RTRAF: variants seen among roughly 807,000 people sequenced by gnomAD.
RTRAF encodes tRNA-splicing ligase complex subunit RTRAF.
In RTRAF, 14 loss-of-function variants were observed where a neutral mutation model predicts 34.4. The observed-to-expected ratio is 0.41, with a 90% confidence interval of 0.27 to 0.64. The LOEUF is 0.64. Ranked by LOEUF, RTRAF falls within the 30% of genes least tolerant of loss-of-function variation. RTRAF has a pLI of 0.34. For synonymous variants in RTRAF, 96 were observed against 95.3 expected, an observed-to-expected ratio of 1.01 and a Z score of -0.04; for missense variants, 291 against 288.4, an observed-to-expected ratio of 1.01 and a Z score of -0.06.
chr14:52,005,421 A>G lies in RTRAF; in HGVS notation c.*905A>G, dbSNP rs1435785918. On this transcript the variant is annotated 3_prime_UTR_variant, in exon 8 of 8. Transcript: ENST00000261700. ...CCTTTTTTACTTTCTTTGCCTTTGC[A>G]GTCACTGTTCTTTAGGGTCCAGGTT... 3 of 1,444,210 alleles carry G rather than the reference A, an allele frequency of 2.1e-6. No individual in the cohort carries two copies. The highest frequency in any genetic ancestry group is 2.3e-5 in the Admixed American group (1 of 42,556). The allele number at this position is 1,444,210 out of a possible 1,614,324, so 89.5% of individuals were successfully genotyped here. A position where few individuals can be genotyped will look rare whatever the true frequency, so the allele number is the denominator to read the frequency against.
At position 51,991,315 on chromosome 14, in the gene RTRAF, A is replaced by G; in HGVS notation, c.62-2A>G. On this transcript the variant is annotated splice_acceptor_variant, in intron 1 of 7. Transcript: ENST00000261700. LOFTEE classifies it high-confidence loss of function. Reference sequence around the variant, plus strand: ...TTATTTATGTGATATTTTTTATTGCAGATGAAACAGAATTTAGAAACTTCA... The same window carrying G: ...TTATTTATGTGATATTTTTTATTGCGGATGAAACAGAATTTAGAAACTTCA... 1 of 1,612,372 alleles carries G rather than the reference A, an allele frequency of 6.2e-7. No individual in the cohort carries two copies. The highest frequency in any genetic ancestry group is 8.5e-7 in the Non-Finnish European group (1 of 1,178,900).
intron 3 of RTRAF, among the ~76,000 whole-genome samples, chr14:51,996,542 A>G (rs949137100): frequency 6.6e-6 from 1 of 152,096 alleles, no homozygotes; most frequent in East Asian, 1.9e-4. Context: ...AAATAGTACA[A>G]AGATTTTCAT....
rs1890888653 is a variant in RTRAF at position 52,008,676 on chromosome 14, C to G, written c.*4160C>G. On this transcript the variant is annotated 3_prime_UTR_variant, in exon 8 of 8. Transcript: ENST00000261700. ...CCCTTGACTCAACTGCCCCAAAACC[C>G]TCCGTTTGTTGAAGTCTTGAATTGG... is the stretch of plus-strand genomic sequence containing the variant. The G allele has an allele frequency of 6.6e-6, 1 of 152,210 alleles. No individual in the cohort carries two copies. Among genetic ancestry groups the G allele is most frequent in the African/African-American group, 2.4e-5 (1 of 41,444 alleles). The allele number at this position is 152,210 out of a possible 1,614,324, so 9.4% of individuals were successfully genotyped here.
rs1456752682 is a variant in RTRAF, at chr14:52,006,262, C to T, written c.*1746C>T. On this transcript the variant is annotated 3_prime_UTR_variant, in exon 8 of 8. Coordinates refer to ENST00000261700, the MANE Select transcript of RTRAF (RefSeq NM_016039.3). ...TAAAGAACATATTTAGATTAATATG[C>T]TCCCTTTTGAGACATTATCCAATAG... 4.8e-6 allele frequency: 2 copies of T among 420,592 alleles called. No individual in the cohort carries two copies. Among genetic ancestry groups the T allele is most frequent in the Non-Finnish European group, 8.7e-6 (2 of 229,514 alleles). The allele number at this position is 420,592 out of a possible 1,614,324, so 26.1% of individuals were successfully genotyped here. A position where few individuals can be genotyped will look rare whatever the true frequency, so the allele number is the denominator to read the frequency against.
rs1890664633 is a variant in RTRAF at position 52,004,233 on chromosome 14, G to C, written c.571G>C (p.Asp191His). ...VALDKHILGF[D>H]TGDAVLNEAA... ...TTTAGACAAACATATTCTTGGTTTT[G>C]ACACAGGAGGTAAGTGATTTTGTTT... Residue 191 changes from aspartate to histidine, a missense_variant, in exon 7 of 8, where the codon GAC (aspartate) becomes CAC (histidine). By Grantham distance (81) the Asp-to-His change is moderately conservative (BLOSUM62 -1). Coordinates refer to ENST00000261700, the MANE Select transcript of RTRAF (RefSeq NM_016039.3). 2 of 1,613,474 alleles carry C rather than the reference G, an allele frequency of 1.2e-6. No individual in the cohort carries two copies. Among genetic ancestry groups the C allele is most frequent in the Non-Finnish European group, 8.5e-7 (1 of 1,179,642 alleles).
rs1373658956 is a variant in RTRAF, at chr14:52,005,311, A to AGAT, written c.*796_*798dup. The AGAT allele has an allele frequency of 4.3e-6, 2 of 463,786 alleles. No individual in the cohort carries two copies. The highest frequency in any genetic ancestry group is 4.0e-5 in the African/African-American group (2 of 50,104). 28.7% of individuals were successfully genotyped at this position (463,786 alleles called of 1,614,324 possible). On this transcript the variant is annotated 3_prime_UTR_variant, in exon 8 of 8. Transcript: ENST00000261700. The stretch of plus-strand genomic sequence containing the variant: ...TTCATTTTTAAAAATACAGTAGTAA[A>AGAT]GATTGAGGTATCAGCTTTTCACAAA...
intron 5 of RTRAF, among the ~76,000 whole-genome samples, chr14:52,000,731 T>C (rs1890588504): frequency 6.6e-6 from 1 of 152,198 alleles, no homozygotes; most frequent in Non-Finnish European, 1.5e-5. Flanking sequence ...AAAATGTTTT[T>C]AGTGAAATTT....
intron 3 of RTRAF, among the ~76,000 whole-genome samples, chr14:51,996,026 G>T (rs1475741173): frequency 6.6e-6 from 1 of 151,868 alleles, no homozygotes; most frequent in Admixed American, 6.6e-5. Context: ...TATTCTATTT[G>T]TTCCATTTTT....
In RTRAF at chr14:52,008,702, A is replaced by G. The variant is rs967495774; in HGVS notation, c.*4186A>G. 2.0e-5 allele frequency: 3 copies of G among 152,168 alleles called. No individual in the cohort carries two copies. Among genetic ancestry groups the G allele is most frequent in the African/African-American group, 7.2e-5 (3 of 41,434 alleles). The allele number at this position is 152,168 out of a possible 1,614,324, so 9.4% of individuals were successfully genotyped here. On this transcript the variant is annotated 3_prime_UTR_variant, in exon 8 of 8. Transcript: ENST00000261700. ...TCCGTTTGTTGAAGTCTTGAATTGG[A>G]TCTTGGGTTTTAGAATAGAAACAAA... is the stretch of plus-strand genomic sequence containing the variant.
In RTRAF at chr14:52,005,330, T is replaced by C; in HGVS notation, c.*814T>C. On this transcript the variant is annotated 3_prime_UTR_variant, in exon 8 of 8. Transcript: ENST00000261700. ...TAGTAAAGATTGAGGTATCAGCTTT[T>C]CACAAAAGTCTTTTTGCACTACAAA... is the stretch of plus-strand genomic sequence containing the variant. 1.8e-6 allele frequency: 1 copy of C among 557,102 alleles called. No individual in the cohort carries two copies. Among genetic ancestry groups the C allele is most frequent in the Non-Finnish European group, 2.9e-6 (1 of 344,516 alleles). 34.5% of individuals were successfully genotyped at this position (557,102 alleles called of 1,614,324 possible).
In RTRAF at chr14:52,006,548, T is replaced by C. The variant is rs1377329051; in HGVS notation, c.*2032T>C. ...TTTGTGGGGCTCACCTCCTCCAGTC[T>C]GTGTGGTAGAAGTGATCTGCATAGC... On this transcript the variant is annotated 3_prime_UTR_variant, in exon 8 of 8. Coordinates refer to ENST00000261700, the MANE Select transcript of RTRAF (RefSeq NM_016039.3). 1.2e-6 allele frequency: 2 copies of C among 1,613,722 alleles called. No homozygotes were observed. Among genetic ancestry groups the C allele is most frequent in the Non-Finnish European group, 1.7e-6 (2 of 1,179,654 alleles).
chr14:51,996,872 G>C (rs1278481928), intron 3 of RTRAF, among the ~76,000 whole-genome samples: 1 of 151,948 alleles, frequency 6.6e-6, no homozygotes, highest in Non-Finnish European at 1.5e-5. Context: ...ATCTGTCTTA[G>C]TATCTTAAAA....
In RTRAF at chr14:51,989,719, C is replaced by T. The variant is rs764158732; in HGVS notation, c.61+19C>T. On this transcript the variant is annotated intron_variant, in intron 1 of 7. Coordinates refer to ENST00000261700, the MANE Select transcript of RTRAF (RefSeq NM_016039.3). The stretch of plus-strand genomic sequence containing the variant: ...TGCAAAGGTGAGGCGGCGGCCTCAG[C>T]CCGGCCGCGTGTCCCTGACCTGGGC... 41 of 1,589,052 alleles carry T rather than the reference C, an allele frequency of 2.6e-5. 1 individual carries two copies. In the South Asian group the frequency reaches 4.4e-4, roughly 17 times the overall value.
chr14:52,005,796 A>G lies in RTRAF; in HGVS notation c.*1280A>G. ...GTAGAGGTGAGATCGTTGTTCTGGGAGATACTCATCAGTAAACTGGCCACT... is the reference window on the plus strand; with the variant it reads ...GTAGAGGTGAGATCGTTGTTCTGGGGGATACTCATCAGTAAACTGGCCACT... On this transcript the variant is annotated 3_prime_UTR_variant, in exon 8 of 8. Coordinates refer to ENST00000261700, the MANE Select transcript of RTRAF (RefSeq NM_016039.3). 1 of 1,613,920 alleles carries G rather than the reference A, an allele frequency of 6.2e-7. No homozygotes were observed. Among genetic ancestry groups the G allele is most frequent in the Non-Finnish European group, 8.5e-7 (1 of 1,179,806 alleles).
Position 52,007,604 on chromosome 14 carries a change from G to C in RTRAF, c.*3088G>C. The C allele has an allele frequency of 1.8e-6, 1 of 564,132 alleles. No homozygotes were observed. The highest frequency in any genetic ancestry group is 4.8e-4 in the Middle Eastern group (1 of 2,098). 34.9% of individuals were successfully genotyped at this position (564,132 alleles called of 1,614,324 possible). A position where few individuals can be genotyped will look rare whatever the true frequency, so the allele number is the denominator to read the frequency against. The stretch of plus-strand genomic sequence containing the variant: ...GTCAGGCAAGCAGTACAAACTTACT[G>C]CTTGATATATCCTTCCCTCCACCCA... On this transcript the variant is annotated 3_prime_UTR_variant, in exon 8 of 8. Transcript: ENST00000261700.
rs765701985 is a variant in RTRAF at position 52,005,482 on chromosome 14, G to A, written c.*966G>A. ...ACTCCAAGTCTTCCTTTACATTACT[G>A]TACTTACTTTCTTCCTGTGAGAGAA... On this transcript the variant is annotated 3_prime_UTR_variant, in exon 8 of 8. Transcript: ENST00000261700. 2 of 1,596,734 alleles carry A rather than the reference G, an allele frequency of 1.3e-6. No individual in the cohort carries two copies. Among genetic ancestry groups the A allele is most frequent in the East Asian group, 4.5e-5 (2 of 44,812 alleles).
intron 3 of RTRAF, among the ~76,000 whole-genome samples, chr14:51,997,264 T>G (rs938716917): frequency 1.3e-5 from 2 of 151,998 alleles, no homozygotes; most frequent in Non-Finnish European, 2.9e-5. Context: ...TCATTTATTA[T>G]GTTAATCGAC....
intron 2 of RTRAF, among the ~76,000 whole-genome samples, chr14:51,991,791 G>A (rs1343539121): frequency 6.6e-6 from 1 of 152,160 alleles, no homozygotes; most frequent in African/African-American, 2.4e-5. Flanking sequence ...CATTGGCTAG[G>A]TGTGATGGCT....
intron 6 of RTRAF, among the ~76,000 whole-genome samples, chr14:52,003,510 G>C (rs1056352): frequency 0.14 from 21,247 of 152,062 alleles, 1,600 homozygotes; most frequent in African/African-American, 0.19. Flanking sequence ...AGTACGGGTA[G>C]TGTGTTTTTC....
Sources: gnomAD v4.1 joint callset for allele counts (sites outside exome capture counted in the v4.1 genomes callset) on GRCh38, gnomAD v4.1.1 for gene constraint, MANE v1.5 for transcripts, NCBI Gene and HGNC (gene_info 2026-07-23, HGNC 2026-07-21) for gene names.